CACNA2D1: variants seen among roughly 807,000 people sequenced by gnomAD.
CACNA2D1 encodes the protein voltage-dependent calcium channel subunit alpha-2/delta-1.
In CACNA2D1, 53 loss-of-function variants were observed where a neutral mutation model predicts 171.5. The observed-to-expected ratio is 0.31, with a 90% CI of 0.25 to 0.39. The LOEUF is 0.39. CACNA2D1 is among the 10% of genes least tolerant of loss of function. The pLI, the probability that CACNA2D1 is intolerant of heterozygous loss-of-function variation, is 1.00. For missense variants in CACNA2D1, 903 were observed against 1,299.8 expected (o/e 0.69, Z 4.69); for synonymous variants, 442 against 443.1 (o/e 1.00, Z 0.03).
intron 3 of CACNA2D1, among the ~76,000 whole-genome samples, chr7:82,224,798 C>T (rs75054675): frequency 1.3e-5 from 2 of 151,994 alleles, no homozygotes; most frequent in African/African-American, 2.4e-5. Context: ...CCAAAATGTG[C>T]GATGACAGAT....
At chr7:82,164,827 T>TTA (rs1300223494) in intron 4 of CACNA2D1, among the ~76,000 whole-genome samples, 1 of 151,902 alleles carries the variant, frequency 6.6e-6, no homozygotes, top group Non-Finnish European at 1.5e-5. Context: ...TTTTCTTAAT[T>TTA]TTTTTATTTT....
At chr7:82,351,289 A>AT (rs1418782591) in intron 1 of CACNA2D1, among the ~76,000 whole-genome samples, 1 of 151,416 alleles carries the variant, frequency 6.6e-6, no homozygotes, top group East Asian at 1.9e-4. Flanking sequence ...ATAAATATAT[A>AT]TTTTTTCAGA....
chr7:82,011,642 T>A (rs1799788311), intron 15 of CACNA2D1, among the ~76,000 whole-genome samples: 1 of 152,162 alleles, frequency 6.6e-6, no homozygotes, highest in African/African-American at 2.4e-5. Flanking sequence ...TATTAATACA[T>A]GAAGAAGTTT....
chr7:82,030,758 T>G (rs1802590976), intron 12 of CACNA2D1, among the ~76,000 whole-genome samples: 1 of 151,888 alleles, frequency 6.6e-6, no homozygotes, highest in Non-Finnish European at 1.5e-5. Flanking sequence ...ATACTTAAAA[T>G]TATGACAAAT....
At chr7:82,060,630 A>AT in intron 9 of CACNA2D1, 103 bp from the exon 10 acceptor site, 1 of 605,054 alleles carries the variant, frequency 1.7e-6, no homozygotes, top group Non-Finnish European at 2.8e-6. Flanking sequence ...TCTTTTATAT[A>AT]TTATTTAAAT....
chr7:82,111,489 C>A (rs1271104644), intron 6 of CACNA2D1, among the ~76,000 whole-genome samples: 2 of 134,506 alleles, frequency 1.5e-5, no homozygotes, highest in Middle Eastern at 4.7e-3. Context: ...ACTCTGTCAC[C>A]CAGACTGGAG....
At chr7:82,239,955 T>TA (rs975547505) in intron 3 of CACNA2D1, among the ~76,000 whole-genome samples, 1 of 152,162 alleles carries the variant, frequency 6.6e-6, no homozygotes, top group Non-Finnish European at 1.5e-5. Context: ...TGGTCTATGG[T>TA]AAAAAGATTA....
chr7:81,956,780 GAA>G (rs891191282), intron 38 of CACNA2D1, among the ~76,000 whole-genome samples: 1 of 151,978 alleles, frequency 6.6e-6, no homozygotes, highest in African/African-American at 2.4e-5. Flanking sequence ...CAAACACAAC[GAA>G]AGTGCGTGCT....
At chr7:82,074,151 T>C (rs1320083012) in intron 7 of CACNA2D1, among the ~76,000 whole-genome samples, 2 of 152,234 alleles carry the variant, frequency 1.3e-5, no homozygotes, top group East Asian at 1.9e-4. Flanking sequence ...GAGAGCCAGA[T>C]GCCATTAACT....
intron 26 of CACNA2D1, among the ~76,000 whole-genome samples, 198 bp downstream of exon 26, chr7:81,971,579 G>A (rs1428868770): frequency 1.3e-5 from 2 of 151,574 alleles, no homozygotes; most frequent in African/African-American, 4.8e-5. Flanking sequence ...ATGAAAAGTT[G>A]AGTAATAGCA....
At chr7:82,161,246 G>A (rs1289230500) in intron 4 of CACNA2D1, among the ~76,000 whole-genome samples, 2 of 151,952 alleles carry the variant, frequency 1.3e-5, no homozygotes, top group African/African-American at 2.4e-5. Context: ...ATGGCTTCAG[G>A]AAAGAAAGAC....
intron 1 of CACNA2D1, among the ~76,000 whole-genome samples, chr7:82,381,310 T>C (rs1823687967): frequency 8.4e-6 from 1 of 118,608 alleles, no homozygotes. Context: ...CGAGACTCTG[T>C]CTCAAAAAAA....
chr7:82,392,674 T>C (rs1350404762), intron 1 of CACNA2D1, among the ~76,000 whole-genome samples: 2 of 152,162 alleles, frequency 1.3e-5, no homozygotes, highest in South Asian at 2.1e-4. Flanking sequence ...AAATCCTGCA[T>C]CAACATGTTC....
chr7:82,213,860 C>T (rs1404336936), intron 3 of CACNA2D1, among the ~76,000 whole-genome samples: 3 of 152,136 alleles, frequency 2.0e-5, no homozygotes, highest in Non-Finnish European at 2.9e-5. Context: ...TCTTCATCTA[C>T]TCAGGCTACT....
At chr7:82,285,820 C>A (rs911380468) in intron 3 of CACNA2D1, among the ~76,000 whole-genome samples, 6 of 152,124 alleles carry the variant, frequency 3.9e-5, no homozygotes, top group African/African-American at 1.4e-4. Context: ...AGACTCTTTC[C>A]TACTTGGTGA....
intron 4 of CACNA2D1, among the ~76,000 whole-genome samples, chr7:82,169,880 C>T (rs1417902831): frequency 6.6e-6 from 1 of 150,508 alleles, no homozygotes; most frequent in Non-Finnish European, 1.5e-5. Flanking sequence ...TGCCCCTTGG[C>T]TATAAGAGGA....
intron 3 of CACNA2D1, among the ~76,000 whole-genome samples, chr7:82,284,717 T>A (rs1810537831): frequency 6.6e-6 from 1 of 152,128 alleles, no homozygotes; most frequent in Non-Finnish European, 1.5e-5. Context: ...CTCATGACCT[T>A]ATTACCTGTG....
intron 3 of CACNA2D1, among the ~76,000 whole-genome samples, chr7:82,195,630 T>C (rs1278484394): frequency 2.6e-5 from 4 of 151,120 alleles, no homozygotes; most frequent in African/African-American, 4.9e-5. Flanking sequence ...TCTCCCAGAG[T>C]CTATAATTTC....
chr7:82,060,208 T>TAAA lies in CACNA2D1; in HGVS notation c.879+219_879+220insTTT, dbSNP rs1806613110. Reference sequence around the variant, plus strand: ...ATATATATTATATATATATTATATATATAATATATATATAATATATATATA... The same window carrying TAAA: ...ATATATATTATATATATATTATATATAAAATAATATATATATAATATATATATA... On this transcript the variant is annotated intron_variant, in intron 10 of 38. Transcript: ENST00000356860. Among the ~76,000 whole-genome samples, 2 of 32,648 alleles carry TAAA rather than the reference T, an allele frequency of 6.1e-5. 1 individual carries two copies. Among genetic ancestry groups the TAAA allele is most frequent in the African/African-American group, 2.3e-4 (2 of 8,824 alleles). The allele number at this position is 32,648 out of a possible 152,430, so 21.4% of individuals were successfully genotyped here.
Sources: gnomAD v4.1 joint callset for allele counts (sites outside exome capture counted in the v4.1 genomes callset) on GRCh38, gnomAD v4.1.1 for gene constraint, MANE v1.5 for transcripts, NCBI Gene and HGNC (gene_info 2026-07-23, HGNC 2026-07-21) for gene names.